The following PICALM variants were observed in gnomAD, a reference collection of about 807,000 sequenced individuals.
PICALM encodes the protein phosphatidylinositol binding clathrin assembly protein.
A neutral mutation model predicts 80.5 loss-of-function variants in PICALM; 40 were observed. That is an observed-to-expected ratio of 0.50 (90% CI 0.39 to 0.65). The LOEUF (loss-of-function observed/expected upper bound fraction) is 0.65. Among genes scored for constraint, PICALM ranks in the 30% least tolerant of loss-of-function variants. The probability of loss-of-function intolerance (pLI) is 0.00; values close to 1 mark genes in which losing one functional copy is unlikely to be tolerated. For missense variants in PICALM, 676 were observed against 778.9 expected (o/e 0.87, Z 1.57); for synonymous variants, 288 against 260.3 (o/e 1.11, Z -1.02).
chr11:86,032,205 G>A (rs928177488), intron 1 of PICALM, among the ~76,000 whole-genome samples: 1 of 152,124 alleles, frequency 6.6e-6, no homozygotes. Flanking sequence ...TACTGAATTA[G>A]CTCAGATCAG....
chr11:86,037,041 G>A (rs1593196461), intron 1 of PICALM, among the ~76,000 whole-genome samples: 1 of 151,656 alleles, frequency 6.6e-6, no homozygotes, highest in East Asian at 1.9e-4. Flanking sequence ...CGCCTCCCAG[G>A]TTCAAGCGAT....
At chr11:86,049,072 C>T (rs1208577380) in intron 1 of PICALM, among the ~76,000 whole-genome samples, 3 of 152,140 alleles carry the variant, frequency 2.0e-5, no homozygotes, top group African/African-American at 4.8e-5. Context: ...GCGGGTGGAT[C>T]ACATGAGGCT....
intron 5 of PICALM, among the ~76,000 whole-genome samples, chr11:86,014,609 A>G (rs1479526632): frequency 6.6e-6 from 1 of 152,194 alleles, no homozygotes; most frequent in Non-Finnish European, 1.5e-5. Context: ...AAAAGAAAAT[A>G]TATTTTCAGA....
chr11:85,975,180 A>T (rs600743), intron 18 of PICALM, among the ~76,000 whole-genome samples: 124,552 of 152,192 alleles, frequency 0.82, 51,169 homozygotes, highest in African/African-American at 0.89. Context: ...GCTGCTAAGA[A>T]ATTTCAAAGT....
intron 1 of PICALM, among the ~76,000 whole-genome samples, chr11:86,059,939 G>GA (rs1182040436): frequency 6.6e-6 from 1 of 151,696 alleles, no homozygotes; most frequent in Admixed American, 6.6e-5. Context: ...AGGCCTTTGG[G>GA]AAAAAAATTT....
intron 14 of PICALM, chr11:85,982,251 AG>A (rs781339436): frequency 2.0e-5 from 8 of 391,520 alleles, no homozygotes; most frequent in Admixed American, 3.8e-5. Flanking sequence ...TTAGGGTTAA[AG>A]GGGATAAGAG....
In PICALM at chr11:86,003,350, A is replaced by G. The variant is rs1162947344; in HGVS notation, c.893+16T>C. On this transcript the variant is annotated intron_variant, in intron 9 of 19. Transcript: ENST00000393346. ...AAAAATCACTCTGGCTTTTTGGCCTACAAAGAATGATATACCTGCTTGCAG... is the reference window on the plus strand; with the variant it reads ...AAAAATCACTCTGGCTTTTTGGCCTGCAAAGAATGATATACCTGCTTGCAG... 2 of 1,517,202 alleles carry G rather than the reference A, an allele frequency of 1.3e-6. No homozygotes were observed. Among genetic ancestry groups the G allele is most frequent in the South Asian group, 2.4e-5 (2 of 83,626 alleles). The allele number at this position is 1,517,202 out of a possible 1,614,324, so 94.0% of individuals were successfully genotyped here.
intron 1 of PICALM, among the ~76,000 whole-genome samples, chr11:86,038,927 T>C (rs2095895267): frequency 6.6e-6 from 1 of 151,988 alleles, no homozygotes; most frequent in African/African-American, 2.4e-5. Flanking sequence ...CTGGCCAACA[T>C]GGTGAAACCC....
intron 12 of PICALM, 23 bp from the exon 13 acceptor site, chr11:85,990,422 A>T: frequency 6.8e-7 from 1 of 1,473,254 alleles, no homozygotes; most frequent in African/African-American, 1.4e-5. Context: ...AATGTATTAT[A>T]GCAAAATGAA....
intron 14 of PICALM, among the ~76,000 whole-genome samples, chr11:85,983,497 C>T (rs1356491469): frequency 6.6e-6 from 1 of 152,136 alleles, no homozygotes; most frequent in Non-Finnish European, 1.5e-5. Context: ...CAAACATAGC[C>T]AATTTCATAC....
intron 1 of PICALM, among the ~76,000 whole-genome samples, chr11:86,053,466 A>G (rs888031143): frequency 6.6e-6 from 1 of 152,224 alleles, no homozygotes; most frequent in Admixed American, 6.5e-5. Flanking sequence ...CAATTCATGA[A>G]TTGTTTCTTT....
chr11:85,997,882 C>A (rs2095025733), intron 11 of PICALM, among the ~76,000 whole-genome samples: 1 of 150,660 alleles, frequency 6.6e-6, no homozygotes, highest in African/African-American at 2.4e-5. Flanking sequence ...TCCTGGGTTC[C>A]AGTGACTGGC....
At chr11:85,985,029 T>C (rs1458236622) in intron 13 of PICALM, among the ~76,000 whole-genome samples, 4 of 152,122 alleles carry the variant, frequency 2.6e-5, no homozygotes, top group Admixed American at 2.0e-4. Flanking sequence ...TAAATTCTAC[T>C]AAGTCAGAAT....
intron 13 of PICALM, 69 bp from the exon 14 acceptor site, chr11:85,984,042 A>G: frequency 1.4e-6 from 1 of 702,582 alleles, no homozygotes; most frequent in South Asian, 1.8e-5. Context: ...TTTAATAATG[A>G]TGACAATAGA....
chr11:86,056,144 A>AAAAAAAG lies in PICALM; in HGVS notation c.130+12500_130+12506dup, dbSNP rs1555149017. 1.8e-3 allele frequency among the ~76,000 whole-genome samples: 214 copies of AAAAAAAG among 118,946 alleles called. 3 individuals carry two copies. The highest frequency in any genetic ancestry group is 5.6e-3 in the African/African-American group (202 of 36,200). 78.0% of individuals were successfully genotyped at this position (118,946 alleles called of 152,430 possible). A position where few individuals can be genotyped will look rare whatever the true frequency, so the allele number is the denominator to read the frequency against. ...AACAAGACTCTGTCTTTAAAAAAAA[A>AAAAAAAG]AAAAAAGAAAAAACCCTTGAAAAAT... On this transcript the variant is annotated intron_variant, in intron 1 of 19. Coordinates refer to ENST00000393346, the MANE Select transcript of PICALM (RefSeq NM_007166.4).
At chr11:85,970,642 C>T (rs1039896555) in intron 19 of PICALM, among the ~76,000 whole-genome samples, 1 of 152,126 alleles carries the variant, frequency 6.6e-6, no homozygotes, top group African/African-American at 2.4e-5. Flanking sequence ...ATGGTGAAAC[C>T]CTGTCTCTAC....
intron 3 of PICALM, 71 bp from the exon 4 acceptor site, chr11:86,022,540 T>C (rs1281711883): frequency 7.6e-6 from 6 of 787,690 alleles, no homozygotes; most frequent in Non-Finnish European, 1.2e-5. Flanking sequence ...AAAATCCCAA[T>C]ATGCCTAGAA....
chr11:86,068,597 G>A (rs2096481618), intron 1 of PICALM, 54 bp downstream of exon 1: 4 of 1,546,838 alleles, frequency 2.6e-6, no homozygotes, highest in Admixed American at 1.9e-5. Context: ...AGAGAAGGAC[G>A]CGCGCGGGTC....
At chr11:86,054,037 A>G (rs186779197) in intron 1 of PICALM, among the ~76,000 whole-genome samples, 2 of 152,350 alleles carry the variant, frequency 1.3e-5, no homozygotes, top group South Asian at 2.1e-4. Flanking sequence ...ATCACCCAAT[A>G]AGATAGTTTG....
Sources: allele counts gnomAD v4.1 joint callset (sites outside exome capture counted in the v4.1 genomes callset), GRCh38; gene constraint gnomAD v4.1.1; transcripts MANE v1.5; gene names NCBI Gene and HGNC (gene_info 2026-07-23, HGNC 2026-07-21).